The following LARP4B variants were observed in gnomAD, a reference collection of about 807,000 sequenced individuals.
The protein encoded by LARP4B is La ribonucleoprotein 4B.
A neutral mutation model predicts 89.8 loss-of-function variants in LARP4B; 12 were observed. That is an observed-to-expected ratio of 0.13 (90% CI 0.09 to 0.22). LARP4B has a LOEUF of 0.22. LARP4B is among the 10% of genes least tolerant of loss of function. The probability of loss-of-function intolerance (pLI) is 1.00; values close to 1 mark genes in which losing one functional copy is unlikely to be tolerated. For missense variants in LARP4B, 757 were observed against 947.7 expected (o/e 0.80, Z 2.64); for synonymous variants, 367 against 363.3 (o/e 1.01, Z -0.12).
intron 1 of LARP4B, among the ~76,000 whole-genome samples, chr10:917,971 T>C (rs959283242): frequency 6.6e-6 from 1 of 152,212 alleles, no homozygotes; most frequent in Non-Finnish European, 1.5e-5. Flanking sequence ...AGTACCCATG[T>C]TATTAGATTC....
At chr10:874,793 G>T (rs1835392632) in intron 3 of LARP4B, among the ~76,000 whole-genome samples, 2 of 152,052 alleles carry the variant, frequency 1.3e-5, no homozygotes, top group South Asian at 4.2e-4. Context: ...AAACATAAAG[G>T]TAACAAGAAC....
chr10:812,541 T>TAA lies in LARP4B; in HGVS notation c.*383_*384dup, dbSNP rs58718835. ...GATATGCACTTACAGACCAGTTACT[T>TAA]AAAAAAAAAAAAAAAAAGCAGAGTT... is the stretch of plus-strand genomic sequence containing the variant. On this transcript the variant is annotated 3_prime_UTR_variant, in exon 18 of 18. Transcript: ENST00000316157. The TAA allele has an allele frequency of 3.1e-3, 407 of 132,956 alleles. 1 individual carries two copies. Among genetic ancestry groups the TAA allele is most frequent in the Middle Eastern group, 7.9e-3 (2 of 254 alleles). 8.2% of individuals were successfully genotyped at this position (132,956 alleles called of 1,614,324 possible). A position where few individuals can be genotyped will look rare whatever the true frequency, so the allele number is the denominator to read the frequency against.
At chr10:824,962 A>T (rs1832545843) in intron 13 of LARP4B, 103 bp downstream of exon 13, 13 of 1,205,534 alleles carry the variant, frequency 1.1e-5, no homozygotes, top group Non-Finnish European at 1.4e-5. Flanking sequence ...CTTCAGTTAG[A>T]TTTTCTGTGA....
At chr10:886,681 GAAGGA>G (rs1835867517) in intron 1 of LARP4B, among the ~76,000 whole-genome samples, 1 of 152,228 alleles carries the variant, frequency 6.6e-6, no homozygotes, top group South Asian at 2.1e-4. Context: ...GGGTGAACCT[GAAGGA>G]TATTATGCCA....
At chr10:939,542 G>C in the LARP4B span, among the ~76,000 whole-genome samples, 6 of 152,226 alleles carry the variant, frequency 3.9e-5, no homozygotes, top group Admixed American at 2.6e-4. Flanking sequence ...ACTGCAGCTT[G>C]TATTCATGTG....
chr10:813,314 TAA>T, intron 17 of LARP4B, 101 bp from the exon 18 acceptor site: 1 of 1,201,646 alleles, frequency 8.3e-7, no homozygotes, highest in East Asian at 2.6e-5. Context: ...CAACTGTAAC[TAA>T]GTTTCCATCT....
chr10:811,372 T>G lies in LARP4B; in HGVS notation c.*1554A>C, dbSNP rs1244583507. On this transcript the variant is annotated 3_prime_UTR_variant, in exon 18 of 18. Transcript: ENST00000316157. ...GAAGCACACTCCAAGTGCACGTATT[T>G]AATACAGTATTGACTATTTGCATTT... 2 of 152,682 alleles carry G rather than the reference T, an allele frequency of 1.3e-5. No homozygotes were observed. The highest frequency in any genetic ancestry group is 4.8e-5 in the African/African-American group (2 of 41,460). 9.5% of individuals were successfully genotyped at this position (152,682 alleles called of 1,614,324 possible).
the LARP4B span, among the ~76,000 whole-genome samples, chr10:943,849 G>A: frequency 1.3e-5 from 2 of 151,896 alleles, no homozygotes; most frequent in African/African-American, 4.8e-5. Context: ...TCTTGGTGGT[G>A]TCCACGTAAG....
intron 7 of LARP4B, among the ~76,000 whole-genome samples, chr10:842,711 C>T (rs756950282): frequency 5.3e-5 from 8 of 152,282 alleles, no homozygotes; most frequent in Non-Finnish European, 1.0e-4. Flanking sequence ...TGTCCCAAAA[C>T]TTGTTTGAGG....
At chr10:839,757 C>T (rs1016276329) in intron 7 of LARP4B, among the ~76,000 whole-genome samples, 1 of 152,156 alleles carries the variant, frequency 6.6e-6, no homozygotes, top group African/African-American at 2.4e-5. Flanking sequence ...CAGTTGCTCA[C>T]ACACCTAACC....
intron 1 of LARP4B, among the ~76,000 whole-genome samples, chr10:918,062 T>C (rs1836874265): frequency 6.6e-6 from 1 of 152,238 alleles, no homozygotes; most frequent in Admixed American, 6.5e-5. Flanking sequence ...ATTTTTACTA[T>C]GTATTTTATT....
chr10:963,060 G>A, the LARP4B span, among the ~76,000 whole-genome samples: 4 of 152,144 alleles, frequency 2.6e-5, no homozygotes, highest in South Asian at 2.1e-4. Context: ...CAGCAGTAGC[G>A]TTTCCCAGAC....
chr10:864,245 A>G lies in LARP4B; in HGVS notation c.167T>C (p.Leu56Pro). 2 of 1,614,188 alleles carry G rather than the reference A, an allele frequency of 1.2e-6. No homozygotes were observed. The highest frequency in any genetic ancestry group is 2.7e-5 in the African/African-American group (2 of 75,042). Residue 56 changes from leucine (L) to proline (P), a missense_variant, in exon 4 of 18, where the codon CTG becomes CCG. Leu to Pro is a moderately conservative substitution (Grantham distance 98, BLOSUM62 -3). Coordinates refer to ENST00000316157, the MANE Select transcript of LARP4B (RefSeq NM_015155.3). ...CCCCCACACTTCTGCATTAGGGTTC[A>G]GCTCTGAAACCTTAGTTGCTGGTAC... The part of the protein sequence containing the change: ...SQVPATKVSE[L>P]NPNAEVWGAP...
chr10:861,012 C>T (rs948296291), intron 5 of LARP4B, among the ~76,000 whole-genome samples: 2 of 152,026 alleles, frequency 1.3e-5, no homozygotes, highest in Non-Finnish European at 2.9e-5. Flanking sequence ...AACAATTAGC[C>T]GGGTGTGGTG....
intron 1 of LARP4B, among the ~76,000 whole-genome samples, chr10:907,046 C>T (rs1346999740): frequency 2.0e-5 from 3 of 152,202 alleles, no homozygotes; most frequent in South Asian, 2.1e-4. Context: ...AGATGCTCTC[C>T]CCATCCTCCC....
At chr10:980,908 T>C in the LARP4B span, among the ~76,000 whole-genome samples, 1 of 152,248 alleles carries the variant, frequency 6.6e-6, no homozygotes, top group Non-Finnish European at 1.5e-5. Context: ...AGGCTGCAGA[T>C]TTTCCAAAGT....
chr10:973,119 C>T, the LARP4B span: 84 of 355,588 alleles, frequency 2.4e-4, no homozygotes, highest in Non-Finnish European at 9.4e-5. Flanking sequence ...TAAAGGAGCT[C>T]TGGTCTGGTG....
At chr10:914,960 T>C (rs1588986917) in intron 1 of LARP4B, among the ~76,000 whole-genome samples, 1 of 152,206 alleles carries the variant, frequency 6.6e-6, no homozygotes, top group African/African-American at 2.4e-5. Context: ...AAGAGAATTA[T>C]TTAGTTTTGC....
the LARP4B span, among the ~76,000 whole-genome samples, chr10:974,202 A>T: frequency 6.6e-6 from 1 of 150,744 alleles, no homozygotes; most frequent in African/African-American, 2.4e-5. Context: ...CGGGGTAACC[A>T]GGAGGGGCAG....
Sources: allele counts gnomAD v4.1 joint callset (sites outside exome capture counted in the v4.1 genomes callset), GRCh38; gene constraint gnomAD v4.1.1; transcripts MANE v1.5; gene names NCBI Gene and HGNC (gene_info 2026-07-23, HGNC 2026-07-21).